Variants in DYDC1 observed in about 807,000 individuals in gnomAD.
DYDC1 encodes the protein DPY30 domain-containing protein 1.
Under a neutral mutation model 27.9 loss-of-function variants are expected in DYDC1, and 21 were observed. The ratio of observed to expected loss-of-function variants is 0.75; its 90% CI spans 0.53 to 1.08. The LOEUF (loss-of-function observed/expected upper bound fraction) is 1.08, where lower values mean the gene tolerates loss of function less well. Ranked by LOEUF, DYDC1 falls within the 50% of genes least tolerant of loss-of-function variation. The probability of loss-of-function intolerance (pLI) is 0.00; values close to 1 mark genes in which losing one functional copy is unlikely to be tolerated. For synonymous variants in DYDC1, 67 were observed against 65.8 expected (o/e 1.02, Z -0.09); for missense variants, 202 against 205.9 (o/e 0.98, Z 0.12).
downstream of DYDC1, chr10:80,336,076 G>GA (rs915472369): frequency 9.2e-6 from 9 of 980,430 alleles, no homozygotes; most frequent in Non-Finnish European, 1.4e-5. Flanking sequence ...AAGTTTGAAG[G>GA]AAAAAAATAC....
At position 80,343,882 on chromosome 10, in the gene DYDC1, C is replaced by T. The variant is rs551459513; in HGVS notation, c.250-1521G>A. Among the ~76,000 whole-genome samples, 32 of 152,016 alleles carry T rather than the reference C, an allele frequency of 2.1e-4. No individual in the cohort carries two copies. In the South Asian group the frequency reaches 6.4e-3, roughly 31 times the overall value. ...GGCATGGTGGCTCACACCTGTAATA[C>T]CAGCACTTGGAAGGCCTGAGGACAG... On this transcript the variant is annotated intron_variant, in intron 3 of 6. Coordinates refer to ENST00000372202, the MANE Select transcript of DYDC1 (RefSeq NM_001269053.2).
At chr10:80,343,428 G>A (rs1042234062) in intron 3 of DYDC1, among the ~76,000 whole-genome samples, 1 of 152,118 alleles carries the variant, frequency 6.6e-6, no homozygotes, top group African/African-American at 2.4e-5. Context: ...AGTGTTTGGA[G>A]TGCCATGGTA....
chr10:80,347,298 T>TGGC (rs1842719665), intron 3 of DYDC1, among the ~76,000 whole-genome samples: 1 of 91,500 alleles, frequency 1.1e-5, no homozygotes, highest in Admixed American at 1.1e-4. Flanking sequence ...TTTTTTTTTT[T>TGGC]TTTTTTTGCT....
intron 1 of DYDC1, chr10:80,356,358 C>T (rs1418073889): frequency 1.0e-6 from 1 of 985,750 alleles, no homozygotes; most frequent in Non-Finnish European, 1.2e-6. Flanking sequence ...CTTACCCACA[C>T]CTGGGAGACA....
intron 4 of DYDC1, among the ~76,000 whole-genome samples, chr10:80,341,660 G>T (rs1219058425): frequency 1.3e-5 from 2 of 151,894 alleles, no homozygotes; most frequent in Non-Finnish European, 2.9e-5. Flanking sequence ...AATGTTGAGG[G>T]TATCACTATT....
intron 3 of DYDC1, among the ~76,000 whole-genome samples, chr10:80,343,548 G>A (rs961098835): frequency 5.9e-5 from 9 of 152,148 alleles, no homozygotes; most frequent in African/African-American, 2.2e-4. Flanking sequence ...GAGGCAGGAG[G>A]ATTACTTGAA....
At chr10:80,345,367 T>A (rs1482732860) in intron 3 of DYDC1, among the ~76,000 whole-genome samples, 1 of 152,234 alleles carries the variant, frequency 6.6e-6, no homozygotes, top group Non-Finnish European at 1.5e-5. Context: ...ATATAGTGAA[T>A]GCTTACCACA....
At chr10:80,354,019 G>A (rs1251979997) in intron 1 of DYDC1, among the ~76,000 whole-genome samples, 4 of 152,018 alleles carry the variant, frequency 2.6e-5, no homozygotes, top group African/African-American at 9.6e-5. Context: ...GGGAGGCTGA[G>A]GCAGGAGAAT....
chr10:80,337,107 G>A (rs1456531473), intron 6 of DYDC1: 1 of 983,884 alleles, frequency 1.0e-6, no homozygotes. Context: ...AATACTGGAT[G>A]ACTTCAGTCC....
At chr10:80,355,168 A>G (rs1843284811) in intron 1 of DYDC1, among the ~76,000 whole-genome samples, 1 of 151,874 alleles carries the variant, frequency 6.6e-6, no homozygotes, top group South Asian at 2.1e-4. Flanking sequence ...AGGCCCTGAT[A>G]TAGGAATGAG....
intron 4 of DYDC1, among the ~76,000 whole-genome samples, chr10:80,340,260 C>A (rs1842274639): frequency 6.6e-6 from 1 of 152,186 alleles, no homozygotes; most frequent in South Asian, 2.1e-4. Context: ...TTCCTTCAAC[C>A]CAGAATCCTT....
At chr10:80,346,403 A>ACT (rs1437142351) in intron 3 of DYDC1, among the ~76,000 whole-genome samples, 1 of 138,980 alleles carries the variant, frequency 7.2e-6, no homozygotes, top group Non-Finnish European at 1.5e-5. Flanking sequence ...AGAAGAGTTC[A>ACT]CTTTTCTCCA....
At chr10:80,346,444 CTTTTTTTTTT>C (rs1032729095) in intron 3 of DYDC1, among the ~76,000 whole-genome samples, 39 of 83,360 alleles carry the variant, frequency 4.7e-4, no homozygotes, top group East Asian at 1.7e-3. Flanking sequence ...TCTTCCCTTT[CTTTTTTTTTT>C]TTTTTTTTTT....
At chr10:80,338,338 C>A (rs1842203559) in intron 6 of DYDC1, 129 bp downstream of exon 6, 3 of 1,382,852 alleles carry the variant, frequency 2.2e-6, no homozygotes, top group South Asian at 1.8e-5. Flanking sequence ...GATTTTCTTT[C>A]TCTGAAGCAA....
intron 3 of DYDC1, among the ~76,000 whole-genome samples, chr10:80,345,555 T>C (rs1033121722): frequency 9.9e-5 from 15 of 152,190 alleles, no homozygotes; most frequent in African/African-American, 3.6e-4. Flanking sequence ...TTTGTACATT[T>C]TGACCTACAT....
chr10:80,341,822 C>T (rs192387499), intron 4 of DYDC1, among the ~76,000 whole-genome samples: 16 of 152,104 alleles, frequency 1.1e-4, no homozygotes, highest in Non-Finnish European at 1.9e-4. Context: ...GTCAGGAGTT[C>T]GAGACCAACC....
chr10:80,343,286 G>A (rs973499983), intron 3 of DYDC1, among the ~76,000 whole-genome samples: 1 of 152,130 alleles, frequency 6.6e-6, no homozygotes, highest in African/African-American at 2.4e-5. Context: ...ATTTGTTTAC[G>A]TATTGTCTAC....
intron 3 of DYDC1, among the ~76,000 whole-genome samples, chr10:80,343,312 G>A (rs1842416117): frequency 6.6e-6 from 1 of 152,182 alleles, no homozygotes; most frequent in African/African-American, 2.4e-5. Flanking sequence ...CTTTTGTGCT[G>A]CCATAGCAGA....
At chr10:80,343,101 A>G (rs1842402767) in intron 3 of DYDC1, among the ~76,000 whole-genome samples, 1 of 152,224 alleles carries the variant, frequency 6.6e-6, no homozygotes, top group Admixed American at 6.5e-5. Flanking sequence ...TCAGCAATAA[A>G]GCCTGTGGGC....
Sources: gnomAD v4.1 joint callset for allele counts (sites outside exome capture counted in the v4.1 genomes callset) on GRCh38, gnomAD v4.1.1 for gene constraint, MANE v1.5 for transcripts, NCBI Gene and HGNC (gene_info 2026-07-23, HGNC 2026-07-21) for gene names.